The following PDE5A variants were observed in gnomAD, a reference collection of about 807,000 sequenced individuals.
PDE5A encodes the protein cGMP-specific 3',5'-cyclic phosphodiesterase.
In PDE5A, 67 loss-of-function variants were observed where a neutral mutation model predicts 110.2. The observed-to-expected ratio is 0.61, with a 90% CI of 0.50 to 0.75. The LOEUF is 0.75. PDE5A is among the 30% of genes least tolerant of loss of function. The pLI is 0.00. For missense variants in PDE5A, 862 were observed against 1,045.1 expected (o/e 0.82, Z 2.42); for synonymous variants, 328 against 351.2 (o/e 0.93, Z 0.74).
chr4:119,524,169 G>T (rs1032427164), intron 12 of PDE5A, among the ~76,000 whole-genome samples: 5 of 152,022 alleles, frequency 3.3e-5, no homozygotes, highest in Non-Finnish European at 5.9e-5. Flanking sequence ...AGACTCCCAT[G>T]GGGAGAATAA....
In PDE5A at chr4:119,505,906, A is replaced by C. The variant is rs201830023; in HGVS notation, c.2216T>G (p.Ile739Arg). Residue 739 changes from isoleucine (I) to arginine (R), a missense_variant, in exon 17 of 21, where the codon ATA (isoleucine) becomes AGA (arginine). By Grantham distance (97) the Ile-to-Arg change is moderately conservative. Transcript: ENST00000354960. ...TTCCAAATTGAATTGATTTTTTCTT[A>C]TAAGTTCAAAAAATTCTCCTCGCCT... ...IKRRGEFFELIRKNQFNLEDP... is the reference protein window; with the variant it reads ...IKRRGEFFELRRKNQFNLEDP... The C allele has an allele frequency of 6.4e-7, 1 of 1,570,008 alleles. No individual in the cohort carries two copies. The highest frequency in any genetic ancestry group is 1.9e-5 in the Admixed American group (1 of 51,830).
intron 12 of PDE5A, among the ~76,000 whole-genome samples, chr4:119,522,234 T>C (rs1274161829): frequency 6.6e-6 from 1 of 152,090 alleles, no homozygotes; most frequent in African/African-American, 2.4e-5. Context: ...CTAACCTTTT[T>C]ACCCACTGAG....
At chr4:119,574,501 C>A (rs1379846733) in intron 3 of PDE5A, among the ~76,000 whole-genome samples, 1 of 151,932 alleles carries the variant, frequency 6.6e-6, no homozygotes, top group African/African-American at 2.4e-5. Flanking sequence ...CTCTTATGGA[C>A]TCCTCTTTTA....
chr4:119,511,169 C>A (rs1472682362), intron 14 of PDE5A, 35 bp from the exon 15 acceptor site: 2 of 1,357,964 alleles, frequency 1.5e-6, no homozygotes, highest in Non-Finnish European at 2.1e-6. Flanking sequence ...GAAAAAAGAT[C>A]AGTTTCCTTA....
intron 3 of PDE5A, among the ~76,000 whole-genome samples, chr4:119,576,587 A>G (rs1401731827): frequency 6.6e-6 from 1 of 152,232 alleles, no homozygotes; most frequent in African/African-American, 2.4e-5. Context: ...CTGAATGACT[A>G]CTGAGTACAT....
chr4:119,597,486 G>A (rs1288385232), intron 2 of PDE5A, among the ~76,000 whole-genome samples: 1 of 152,042 alleles, frequency 6.6e-6, no homozygotes, highest in South Asian at 2.1e-4. Context: ...AACCAAAGTA[G>A]AGGAAATCAA....
chr4:119,550,975 A>G (rs1450001177), intron 9 of PDE5A, among the ~76,000 whole-genome samples: 1 of 152,180 alleles, frequency 6.6e-6, no homozygotes, highest in Non-Finnish European at 1.5e-5. Flanking sequence ...CAGATTCATT[A>G]GCCTCCACTT....
chr4:119,518,096 A>G (rs1373755405), intron 14 of PDE5A, among the ~76,000 whole-genome samples: 1 of 152,124 alleles, frequency 6.6e-6, no homozygotes, highest in Admixed American at 6.5e-5. Context: ...TTCTTTCTAC[A>G]TGAAGTTTTC....
intron 14 of PDE5A, among the ~76,000 whole-genome samples, chr4:119,518,568 G>A (rs1206020105): frequency 6.6e-6 from 1 of 152,156 alleles, no homozygotes; most frequent in Non-Finnish European, 1.5e-5. Flanking sequence ...CCATTTTACA[G>A]ATCAGGACAT....
chr4:119,575,103 G>A (rs1728284868), intron 3 of PDE5A, among the ~76,000 whole-genome samples: 2 of 152,284 alleles, frequency 1.3e-5, no homozygotes, highest in South Asian at 4.1e-4. Context: ...AAGATCAAAT[G>A]AATGAAATGA....
At chr4:119,562,995 T>C in intron 5 of PDE5A, 25 bp from the exon 6 acceptor site, 2 of 1,542,292 alleles carry the variant, frequency 1.3e-6, no homozygotes, top group Middle Eastern at 1.9e-4. Flanking sequence ...TAGGAGCTCA[T>C]TATTTAGCAA....
At chr4:119,569,194 T>C (rs1014146995) in intron 3 of PDE5A, among the ~76,000 whole-genome samples, 1 of 152,152 alleles carries the variant, frequency 6.6e-6, no homozygotes, top group Non-Finnish European at 1.5e-5. Context: ...TGTACTACCA[T>C]GCCTGGTTAA....
intron 1 of PDE5A, among the ~76,000 whole-genome samples, chr4:119,626,831 T>G (rs2953293): frequency 0.94 from 143,446 of 152,098 alleles, 67,709 homozygotes; most frequent in Non-Finnish European, 0.96. Context: ...GGTTATTAAA[T>G]TGAAAAGATT....
chr4:119,498,975 T>G (rs943489097), intron 20 of PDE5A, among the ~76,000 whole-genome samples: 1 of 152,134 alleles, frequency 6.6e-6, no homozygotes, highest in African/African-American at 2.4e-5. Context: ...AAAATAACAT[T>G]ACTGTGCTAG....
At chr4:119,560,404 G>A (rs748936789) in intron 6 of PDE5A, 41 bp from the exon 7 acceptor site, 1 of 1,380,364 alleles carries the variant, frequency 7.2e-7, no homozygotes. Context: ...AGTTTGACAA[G>A]GTAATGAAAA....
intron 1 of PDE5A, among the ~76,000 whole-genome samples, chr4:119,618,625 T>A (rs1322278011): frequency 6.6e-6 from 1 of 152,154 alleles, no homozygotes; most frequent in African/African-American, 2.4e-5. Flanking sequence ...TAGAGACTTT[T>A]TTTTTGTCAA....
chr4:119,516,158 C>T (rs1725900207), intron 14 of PDE5A, among the ~76,000 whole-genome samples: 1 of 152,180 alleles, frequency 6.6e-6, no homozygotes, highest in Non-Finnish European at 1.5e-5. Context: ...CTCATTTCCT[C>T]CATTAACAAT....
At chr4:119,535,232 A>G (rs1336574882) in intron 11 of PDE5A, among the ~76,000 whole-genome samples, 1 of 152,076 alleles carries the variant, frequency 6.6e-6, no homozygotes, top group East Asian at 1.9e-4. Flanking sequence ...GTACAGATTT[A>G]ATGACAGAGG....
chr4:119,555,515 T>C lies in PDE5A; in HGVS notation c.1200-1769A>G, dbSNP rs181742687. 1.6e-3 allele frequency among the ~76,000 whole-genome samples: 246 copies of C among 152,022 alleles called. 3 individuals carry two copies. Among genetic ancestry groups the C allele is most frequent in the Admixed American group, 3.7e-3 (56 of 15,272 alleles). On this transcript the variant is annotated intron_variant, in intron 7 of 20. Coordinates refer to ENST00000354960, the MANE Select transcript of PDE5A (RefSeq NM_001083.4). Reference sequence around the variant, plus strand: ...CTAGAGAGAAGAAAATAAGAAGCTATAGTGAACAAAAGAAGAAAAATGAAA... The same window carrying C: ...CTAGAGAGAAGAAAATAAGAAGCTACAGTGAACAAAAGAAGAAAAATGAAA...
Sources: gnomAD v4.1 joint callset for allele counts (sites outside exome capture counted in the v4.1 genomes callset) on GRCh38, gnomAD v4.1.1 for gene constraint, MANE v1.5 for transcripts, NCBI Gene and HGNC (gene_info 2026-07-23, HGNC 2026-07-21) for gene names.